SCHIP1: variants seen among roughly 807,000 people sequenced by gnomAD.
SCHIP1 encodes schwannomin-interacting protein 1.
Under a neutral mutation model 29.7 loss-of-function variants are expected in SCHIP1, and 8 were observed. That is an observed-to-expected ratio of 0.27 (90% CI 0.16 to 0.49). The LOEUF (loss-of-function observed/expected upper bound fraction) is 0.49, where lower values mean the gene tolerates loss of function less well. Among genes scored for constraint, SCHIP1 ranks in the 20% least tolerant of loss-of-function variants. The pLI, the probability that SCHIP1 is intolerant of heterozygous loss-of-function variation, is 0.99. For synonymous variants in SCHIP1, 76 were observed against 94.9 expected, an observed-to-expected ratio of 0.80 and a Z score of 1.16; for missense variants, 193 against 294.6, an observed-to-expected ratio of 0.66 and a Z score of 2.52.
upstream of SCHIP1, chr3:159,839,745 GTCCCTC>G: frequency 3.1e-6 from 1 of 321,092 alleles, no homozygotes; most frequent in Non-Finnish European, 5.0e-6. Flanking sequence ...ATTTGTGTCT[GTCCCTC>G]TCCCTCTCCC....
chr3:159,629,869 G>A, the SCHIP1 span, among the ~76,000 whole-genome samples: 1 of 152,200 alleles, frequency 6.6e-6, no homozygotes, highest in Non-Finnish European at 1.5e-5. Flanking sequence ...GCACTCTGCA[G>A]TCAAGGACCT....
chr3:159,571,331 T>G, the SCHIP1 span, among the ~76,000 whole-genome samples: 1 of 152,248 alleles, frequency 6.6e-6, no homozygotes, highest in Non-Finnish European at 1.5e-5. Flanking sequence ...TGAGAGTTTT[T>G]AGCATGAAGA....
chr3:159,441,706 A>G, the SCHIP1 span, among the ~76,000 whole-genome samples: 2 of 152,294 alleles, frequency 1.3e-5, no homozygotes, highest in South Asian at 4.1e-4. Flanking sequence ...GATAGGTGCT[A>G]CGTAGAACAT....
chr3:159,312,070 G>T, the SCHIP1 span, among the ~76,000 whole-genome samples: 167 of 152,276 alleles, frequency 1.1e-3, 1 homozygote, highest in Non-Finnish European at 1.6e-3. Context: ...TGTACATTGT[G>T]TCTGGAAAGA....
chr3:159,854,915 A>T (rs963288831), intron 1 of SCHIP1, among the ~76,000 whole-genome samples: 1 of 152,256 alleles, frequency 6.6e-6, no homozygotes, highest in African/African-American at 2.4e-5. Flanking sequence ...AAGCAGTGAT[A>T]CACCAGCAAC....
intron 6 of SCHIP1, among the ~76,000 whole-genome samples, chr3:159,895,591 C>G (rs1158464212): frequency 6.6e-6 from 1 of 152,116 alleles, no homozygotes; most frequent in African/African-American, 2.4e-5. Context: ...CACTCCTCCC[C>G]CTCTGCCCCA....
the SCHIP1 span, among the ~76,000 whole-genome samples, chr3:159,573,595 G>T: frequency 6.6e-6 from 1 of 152,142 alleles, no homozygotes; most frequent in Non-Finnish European, 1.5e-5. Context: ...TCTTGGGGTT[G>T]CTCTTCTCGA....
At chr3:159,689,289 A>G in the SCHIP1 span, among the ~76,000 whole-genome samples, 2 of 152,154 alleles carry the variant, frequency 1.3e-5, no homozygotes, top group African/African-American at 4.8e-5. Flanking sequence ...AGTGGTTTGT[A>G]GTTCTCTTTG....
chr3:159,394,897 T>C, the SCHIP1 span, among the ~76,000 whole-genome samples: 1 of 152,108 alleles, frequency 6.6e-6, no homozygotes, highest in Non-Finnish European at 1.5e-5. Context: ...ATGGTACCAG[T>C]TCCTCCTTGT....
At chr3:159,688,875 A>G in the SCHIP1 span, among the ~76,000 whole-genome samples, 4 of 151,960 alleles carry the variant, frequency 2.6e-5, no homozygotes, top group Non-Finnish European at 5.9e-5. Flanking sequence ...CATTGCTTGT[A>G]TTTGTCAGGT....
At chr3:159,506,589 T>C in the SCHIP1 span, among the ~76,000 whole-genome samples, 7 of 152,374 alleles carry the variant, frequency 4.6e-5, no homozygotes, top group South Asian at 1.4e-3. Context: ...CTAAGGTTTT[T>C]ATGGTTTTAG....
the SCHIP1 span, among the ~76,000 whole-genome samples, chr3:159,595,426 G>A: frequency 6.6e-6 from 1 of 152,072 alleles, no homozygotes; most frequent in East Asian, 1.9e-4. Flanking sequence ...AAGGGAGTGG[G>A]TGCCATGGAG....
the SCHIP1 span, among the ~76,000 whole-genome samples, chr3:159,413,081 G>C: frequency 2.0e-5 from 3 of 152,180 alleles, no homozygotes; most frequent in Non-Finnish European, 4.4e-5. Context: ...CAGAGCAAAA[G>C]AGGAAAAGTT....
chr3:159,692,323 C>T, the SCHIP1 span, among the ~76,000 whole-genome samples: 1 of 152,106 alleles, frequency 6.6e-6, no homozygotes, highest in Non-Finnish European at 1.5e-5. Context: ...GAGTGTTTTC[C>T]AACTTGGTTG....
At chr3:159,587,353 A>C in the SCHIP1 span, among the ~76,000 whole-genome samples, 1 of 152,134 alleles carries the variant, frequency 6.6e-6, no homozygotes, top group Non-Finnish European at 1.5e-5. Context: ...AAAATGTAGA[A>C]CAAGATGAAT....
chr3:159,822,990 A>G, the SCHIP1 span, among the ~76,000 whole-genome samples: 1 of 152,080 alleles, frequency 6.6e-6, no homozygotes, highest in South Asian at 2.1e-4. Context: ...CTGTTAGAGC[A>G]AGACAGTGAA....
chr3:159,555,484 C>T, the SCHIP1 span, among the ~76,000 whole-genome samples: 12 of 152,190 alleles, frequency 7.9e-5, no homozygotes, highest in Non-Finnish European at 1.8e-4. Context: ...GGGAACTGAG[C>T]ATTCTGCAAA....
the SCHIP1 span, among the ~76,000 whole-genome samples, chr3:159,384,773 G>T: frequency 6.6e-6 from 1 of 151,934 alleles, no homozygotes; most frequent in African/African-American, 2.4e-5. Flanking sequence ...ATTGATTATT[G>T]CCACAATTTC....
At chr3:159,289,622 C>G in the SCHIP1 span, among the ~76,000 whole-genome samples, 1 of 152,148 alleles carries the variant, frequency 6.6e-6, no homozygotes, top group African/African-American at 2.4e-5. Context: ...TAATTTATCA[C>G]TCCTTAATTA....
Sources: allele counts gnomAD v4.1 joint callset (sites outside exome capture counted in the v4.1 genomes callset), GRCh38; gene constraint gnomAD v4.1.1; transcripts MANE v1.5; gene names NCBI Gene and HGNC (gene_info 2026-07-23, HGNC 2026-07-21).